The following TENT5C variants were observed in gnomAD, a reference collection of about 807,000 sequenced individuals.
The protein encoded by TENT5C is terminal nucleotidyltransferase 5C.
A neutral mutation model predicts 22.2 loss-of-function variants in TENT5C; 5 were observed. The observed-to-expected ratio is 0.22, with a 90% CI of 0.12 to 0.47. TENT5C has a LOEUF of 0.47. Ranked by LOEUF, TENT5C falls within the 20% of genes least tolerant of loss-of-function variation. The pLI is 0.99. For synonymous variants in TENT5C, 199 were observed against 195.4 expected (o/e 1.02, Z -0.15); for missense variants, 364 against 500.9 (o/e 0.73, Z 2.61).
rs1020641283 is a variant in TENT5C, at chr1:117,624,276, G to A, written c.*232G>A. ...GCCACGTTGGAAAACGCTACAGGAA[G>A]CATGACCTATCCACATCTTTCCAAG... On this transcript the variant is annotated 3_prime_UTR_variant, in exon 2 of 2. Transcript: ENST00000369448. The A allele has an allele frequency of 3.7e-6, 2 of 534,806 alleles. No homozygotes were observed. Among genetic ancestry groups the A allele is most frequent in the Non-Finnish European group, 6.7e-6 (2 of 296,892 alleles). 33.1% of individuals were successfully genotyped at this position (534,806 alleles called of 1,614,324 possible).
At chr1:117,610,032 T>G (rs1653630868) in intron 1 of TENT5C, among the ~76,000 whole-genome samples, 1 of 152,120 alleles carries the variant, frequency 6.6e-6, no homozygotes, top group South Asian at 2.1e-4. Flanking sequence ...CTTCCCACCC[T>G]CCCTGACACC....
rs747582052 is a variant in TENT5C, at chr1:117,623,775, A to C, written c.907A>C (p.Lys303Gln). The C allele has an allele frequency of 6.2e-7, 1 of 1,614,178 alleles. No individual in the cohort carries two copies. Among genetic ancestry groups the C allele is most frequent in the Non-Finnish European group, 8.5e-7 (1 of 1,180,040 alleles). Residue 303 changes from lysine (K) to glutamine (Q), a missense_variant, in exon 2 of 2, where the codon AAG becomes CAG. Physicochemically the swap from Lys to Gln is moderately conservative, Grantham distance 53 (BLOSUM62 1). Coordinates refer to ENST00000369448, the MANE Select transcript of TENT5C (RefSeq NM_017709.4). ...QNHFAEEERS[K>Q]YDYLMILRRV... ...CCACTTCGCTGAAGAAGAGAGAAGC[A>C]AGTACGACTACCTCATGATCCTTCG...
rs376181122 is a variant in TENT5C at position 117,623,287 on chromosome 1, A to G, written c.419A>G (p.Gln140Arg). The stretch of plus-strand genomic sequence containing the variant: ...GTCACTCTGAAGGAGGCATATGTGC[A>G]GAAGCTAGTGAAGGTTTGCACGGAC... ...SPVTLKEAYVQKLVKVCTDTD... is the reference protein window; with the variant it reads ...SPVTLKEAYVRKLVKVCTDTD... The change falls in exon 2 of 2, where the codon CAG (glutamine) becomes CGG (arginine). Residue 140 changes from glutamine (Q) to arginine (R), a missense_variant. Gln to Arg is a conservative substitution (Grantham distance 43). Coordinates refer to ENST00000369448, the MANE Select transcript of TENT5C (RefSeq NM_017709.4). 14 of 1,614,086 alleles carry G rather than the reference A, an allele frequency of 8.7e-6. No individual in the cohort carries two copies. In the African/African-American group the frequency reaches 1.2e-4, roughly 14 times the overall value.
rs1653926887 is a variant in TENT5C at position 117,622,884 on chromosome 1, A to C, written c.16A>C (p.Ser6Arg). Residue 6 changes from serine to arginine, a missense_variant, in exon 2 of 2, where the codon AGC (serine) becomes CGC (arginine). Coordinates refer to ENST00000369448, the MANE Select transcript of TENT5C (RefSeq NM_017709.4). MAEES[S>R]CTRDCMSFSV... Reference sequence around the variant, plus strand: ...TCCCCTGAAGATGGCAGAGGAGAGCAGCTGTACCAGGGATTGCATGTCCTT... The same window carrying C: ...TCCCCTGAAGATGGCAGAGGAGAGCCGCTGTACCAGGGATTGCATGTCCTT... The C allele has an allele frequency of 6.2e-7, 1 of 1,610,264 alleles. No homozygotes were observed. Among genetic ancestry groups the C allele is most frequent in the Non-Finnish European group, 8.5e-7 (1 of 1,176,774 alleles).
At chr1:117,609,882 A>G (rs1653627808) in intron 1 of TENT5C, among the ~76,000 whole-genome samples, 1 of 152,134 alleles carries the variant, frequency 6.6e-6, no homozygotes, top group Non-Finnish European at 1.5e-5. Context: ...CGAGGCAGGC[A>G]GGCCAATGGC....
rs1279574151 is a variant in TENT5C, at chr1:117,626,145, C to G, written c.*2101C>G. 1 of 247,562 alleles carries G rather than the reference C, an allele frequency of 4.0e-6. No homozygotes were observed. The highest frequency in any genetic ancestry group is 5.6e-5 in the Admixed American group (1 of 17,758). 15.3% of individuals were successfully genotyped at this position (247,562 alleles called of 1,614,324 possible). A position where few individuals can be genotyped will look rare whatever the true frequency, so the allele number is the denominator to read the frequency against. On this transcript the variant is annotated 3_prime_UTR_variant, in exon 2 of 2. Transcript: ENST00000369448. ...AAGCTTTGAAATGTGATGAAGCCAC[C>G]AACATAAGCACTTGCCTAACAGAAA...
At position 117,624,204 on chromosome 1, in the gene TENT5C, GTC is replaced by G; in HGVS notation, c.*162_*163del. ...TTCCTTTGTGTACCCATTGGAATGG[GTC>G]TACAGTGTATCATGAGCCAACCCTC... On this transcript the variant is annotated 3_prime_UTR_variant, in exon 2 of 2. Coordinates refer to ENST00000369448, the MANE Select transcript of TENT5C (RefSeq NM_017709.4). The G allele has an allele frequency of 1.5e-6, 1 of 653,028 alleles. No homozygotes were observed. Among genetic ancestry groups the G allele is most frequent in the Non-Finnish European group, 2.6e-6 (1 of 381,766 alleles). The allele number at this position is 653,028 out of a possible 1,614,324, so 40.5% of individuals were successfully genotyped here.
intron 1 of TENT5C, among the ~76,000 whole-genome samples, chr1:117,608,013 T>C (rs1044062429): frequency 3.3e-5 from 5 of 151,940 alleles, no homozygotes; most frequent in African/African-American, 1.2e-4. Context: ...TTTAGGAAGA[T>C]TTTGGTATAT....
intron 1 of TENT5C, among the ~76,000 whole-genome samples, chr1:117,621,509 G>A (rs991067836): frequency 2.0e-5 from 3 of 152,116 alleles, no homozygotes; most frequent in African/African-American, 7.2e-5. Context: ...ACCCAGCAAT[G>A]CCCTGACAAC....
At chr1:117,610,895 A>G (rs1653657702) in intron 1 of TENT5C, among the ~76,000 whole-genome samples, 1 of 152,210 alleles carries the variant, frequency 6.6e-6, no homozygotes, top group Non-Finnish European at 1.5e-5. Context: ...TGATTGAATA[A>G]GCACAAAGTC....
chr1:117,624,058 G>C lies in TENT5C; in HGVS notation c.*14G>C. ...CCCTGTAACTAACCTTGAGACCTGA[G>C]GGTTTCCACAGTGGGAACCCCAATA... On this transcript the variant is annotated 3_prime_UTR_variant, in exon 2 of 2. Coordinates refer to ENST00000369448, the MANE Select transcript of TENT5C (RefSeq NM_017709.4). 1 of 1,599,120 alleles carries C rather than the reference G, an allele frequency of 6.3e-7. No homozygotes were observed. Among genetic ancestry groups the C allele is most frequent in the Non-Finnish European group, 8.5e-7 (1 of 1,171,404 alleles).
intron 1 of TENT5C, among the ~76,000 whole-genome samples, chr1:117,608,260 T>G (rs1178717693): frequency 6.6e-6 from 1 of 152,216 alleles, no homozygotes; most frequent in Non-Finnish European, 1.5e-5. Flanking sequence ...GGAAAGGATT[T>G]GGCTCTTAGC....
chr1:117,610,978 C>T (rs1429287953), intron 1 of TENT5C, among the ~76,000 whole-genome samples: 1 of 152,152 alleles, frequency 6.6e-6, no homozygotes, highest in African/African-American at 2.4e-5. Context: ...CTGCAACTGC[C>T]CACACCCTCT....
intron 1 of TENT5C, among the ~76,000 whole-genome samples, chr1:117,612,848 T>C (rs1160147299): frequency 6.6e-6 from 1 of 152,228 alleles, no homozygotes; most frequent in African/African-American, 2.4e-5. Context: ...TGCTAGTGAT[T>C]AGACAGGACT....
intron 1 of TENT5C, 95 bp from the exon 2 acceptor site, chr1:117,622,747 A>G: frequency 2.5e-6 from 2 of 799,936 alleles, no homozygotes; most frequent in Non-Finnish European, 4.0e-6. Context: ...ACCATTTTAC[A>G]GGAAGATGTT....
Position 117,627,456 on chromosome 1 carries a change from G to A in TENT5C, c.*3412G>A. 4.0e-6 allele frequency: 1 copy of A among 248,112 alleles called. No homozygotes were observed. The highest frequency in any genetic ancestry group is 5.6e-5 in the Admixed American group (1 of 17,806). 15.4% of individuals were successfully genotyped at this position (248,112 alleles called of 1,614,324 possible). A position where few individuals can be genotyped will look rare whatever the true frequency, so the allele number is the denominator to read the frequency against. ...CTTTGTAGTTTACTTTCTGGTACTG[G>A]TTGGTGCCTTGTATTGGGATACAGC... On this transcript the variant is annotated 3_prime_UTR_variant, in exon 2 of 2. Coordinates refer to ENST00000369448, the MANE Select transcript of TENT5C (RefSeq NM_017709.4).
chr1:117,627,955 C>T lies in TENT5C; in HGVS notation c.*3911C>T, dbSNP rs1442579025. The T allele has an allele frequency of 8.1e-6, 2 of 247,596 alleles. No homozygotes were observed. Among genetic ancestry groups the T allele is most frequent in the East Asian group, 6.0e-5 (1 of 16,570 alleles). 15.3% of individuals were successfully genotyped at this position (247,596 alleles called of 1,614,324 possible). A position where few individuals can be genotyped will look rare whatever the true frequency, so the allele number is the denominator to read the frequency against. On this transcript the variant is annotated 3_prime_UTR_variant, in exon 2 of 2. Coordinates refer to ENST00000369448, the MANE Select transcript of TENT5C (RefSeq NM_017709.4). The stretch of plus-strand genomic sequence containing the variant: ...GCTAAATAAAATGCTTGGAGTTTTG[C>T]CTGGGCTAGTGAGAGTTGGTGCAAA...
At chr1:117,613,610 C>T (rs1198361038) in intron 1 of TENT5C, among the ~76,000 whole-genome samples, 2 of 152,172 alleles carry the variant, frequency 1.3e-5, no homozygotes, top group East Asian at 1.9e-4. Context: ...CCTTAAACAG[C>T]GGAGATCACA....
rs1653969494 is a variant in TENT5C at position 117,624,457 on chromosome 1, A to T, written c.*413A>T. On this transcript the variant is annotated 3_prime_UTR_variant, in exon 2 of 2. Coordinates refer to ENST00000369448, the MANE Select transcript of TENT5C (RefSeq NM_017709.4). ...TAGGCTGTGTTGGCCCTCACTTGGG[A>T]TTCTCAGCAGTTACATGAAAGTTGT... The T allele has an allele frequency of 3.8e-6, 1 of 260,486 alleles. No individual in the cohort carries two copies. The highest frequency in any genetic ancestry group is 7.9e-6 in the Non-Finnish European group (1 of 126,852). 16.1% of individuals were successfully genotyped at this position (260,486 alleles called of 1,614,324 possible).
Sources: gnomAD v4.1 joint callset for allele counts (sites outside exome capture counted in the v4.1 genomes callset) on GRCh38, gnomAD v4.1.1 for gene constraint, MANE v1.5 for transcripts, NCBI Gene and HGNC (gene_info 2026-07-23, HGNC 2026-07-21) for gene names.